Variants in IDNK observed in about 807,000 individuals in gnomAD.
The protein encoded by IDNK is gluconokinase.
In IDNK, 9 loss-of-function variants were observed where a neutral mutation model predicts 13.0. The ratio of observed to expected loss-of-function variants is 0.69; its 90% CI spans 0.42 to 1.21. The LOEUF is 1.21. Among genes scored for constraint, IDNK ranks in the 50% most tolerant of loss-of-function variants. The probability of loss-of-function intolerance (pLI) is 0.00; values close to 1 mark genes in which losing one functional copy is unlikely to be tolerated. For synonymous variants in IDNK, 92 were observed against 94.9 expected, an observed-to-expected ratio of 0.97 and a Z score of 0.18; for missense variants, 210 against 237.8, an observed-to-expected ratio of 0.88 and a Z score of 0.77.
At chr9:83,630,833 TG>T (rs1418632563) in intron 3 of IDNK, among the ~76,000 whole-genome samples, 3 of 152,064 alleles carry the variant, frequency 2.0e-5, no homozygotes, top group Admixed American at 6.6e-5. Flanking sequence ...CTCTATGGAT[TG>T]GGGGGTAGAA....
chr9:83,630,066 C>T (rs1234811518), intron 3 of IDNK, among the ~76,000 whole-genome samples: 1 of 152,226 alleles, frequency 6.6e-6, no homozygotes, highest in Non-Finnish European at 1.5e-5. Flanking sequence ...CAGACCAACA[C>T]TGTTGTTCTC....
At chr9:83,641,427 C>A in intron 3 of IDNK, 121 bp from the exon 4 acceptor site, 1 of 1,106,992 alleles carries the variant, frequency 9.0e-7, no homozygotes, top group Non-Finnish European at 1.4e-6. Flanking sequence ...GCCCACTCCT[C>A]ACACCACTGA....
Position 83,641,595 on chromosome 9 carries a change from A to G in IDNK, c.212+4A>G. 6.2e-7 allele frequency: 1 copy of G among 1,614,116 alleles called. No individual in the cohort carries two copies. Among genetic ancestry groups the G allele is most frequent in the Non-Finnish European group, 8.5e-7 (1 of 1,180,006 alleles). On this transcript the variant is annotated splice_donor_region_variant and intron_variant, in intron 4 of 4. Coordinates refer to ENST00000376419, the MANE Select transcript of IDNK (RefSeq NM_001001551.4). ...ACTTGCATGACATTTTACTAAGGTA[A>G]GAGACCACCAGGCCTTGGCATAAGC...
At chr9:83,638,849 G>T (rs1274640894) in intron 3 of IDNK, among the ~76,000 whole-genome samples, 1 of 152,070 alleles carries the variant, frequency 6.6e-6, no homozygotes, top group Non-Finnish European at 1.5e-5. Context: ...AAGACAGAAG[G>T]GTGGACTGTC....
In IDNK at chr9:83,643,594, G is replaced by A. The variant is rs1831377273; in HGVS notation, c.378G>A (p.Gly126=). 6.2e-7 allele frequency: 1 copy of A among 1,613,916 alleles called. No individual in the cohort carries two copies. Among genetic ancestry groups the A allele is most frequent in the Admixed American group, 1.7e-5 (1 of 59,988 alleles). The stretch of plus-strand genomic sequence containing the variant: ...AGCTCCTGGTGGTCCATCTGAGCGG[G>A]TCGTTTGAGGTCATCTCTGGACGCT... The part of the protein sequence containing the change: ...EMQLLVVHLS[G]SFEVISGRLL... The change falls in exon 5 of 5, where the codon GGG becomes GGA. Residue 126 remains glycine (G), a synonymous_variant. Transcript: ENST00000376419.
intron 1 of IDNK, among the ~76,000 whole-genome samples, chr9:83,626,273 G>C (rs548194153): frequency 1.3e-5 from 2 of 152,100 alleles, no homozygotes; most frequent in African/African-American, 4.8e-5. Flanking sequence ...CAAGAGTCCA[G>C]GTGTTCTCTG....
intron 3 of IDNK, 92 bp from the exon 4 acceptor site, chr9:83,641,456 C>T: frequency 7.0e-7 from 1 of 1,432,654 alleles, no homozygotes. Flanking sequence ...TGGACCTTAA[C>T]ATTTGTGAAC....
chr9:83,634,797 T>C (rs1288669337), intron 3 of IDNK, among the ~76,000 whole-genome samples: 2 of 152,202 alleles, frequency 1.3e-5, no homozygotes, highest in African/African-American at 4.8e-5. Flanking sequence ...TTTAAACAAA[T>C]TGTCCTCTCT....
At chr9:83,628,155 C>T (rs1053368114) in intron 1 of IDNK, 26 bp from the exon 2 acceptor site, 11 of 1,550,322 alleles carry the variant, frequency 7.1e-6, no homozygotes, top group Middle Eastern at 3.3e-4. Flanking sequence ...AGGGCAGTAA[C>T]GGGAACATCT....
intron 1 of IDNK, 90 bp downstream of exon 1, chr9:83,623,311 G>A: frequency 1.7e-6 from 2 of 1,179,720 alleles, no homozygotes; most frequent in East Asian, 3.2e-5. Flanking sequence ...CGGTGGACTG[G>A]GGTCTTGGGG....
chr9:83,623,152 G>A lies in IDNK; in HGVS notation c.-20G>A, dbSNP rs562092273. 1.6e-3 allele frequency: 2,217 copies of A among 1,416,074 alleles called. 2 individuals are homozygous for A. Among genetic ancestry groups the A allele is most frequent in the South Asian group, 2.2e-3 (138 of 63,438 alleles). 87.7% of individuals were successfully genotyped at this position (1,416,074 alleles called of 1,614,324 possible). On this transcript the variant is annotated 5_prime_UTR_variant, in exon 1 of 5. Coordinates refer to ENST00000376419, the MANE Select transcript of IDNK (RefSeq NM_001001551.4). ...GCCGGCGGGGCCCGGAAGGCGACGG[G>A]AAGGAGCCGAGCTTGGGTTATGGCG...
chr9:83,636,838 G>A (rs565902197), intron 3 of IDNK, among the ~76,000 whole-genome samples: 7 of 152,280 alleles, frequency 4.6e-5, no homozygotes, highest in African/African-American at 1.4e-4. Context: ...TCTGACATAG[G>A]CATTAATGAA....
chr9:83,631,231 A>C (rs1004363339), intron 3 of IDNK, among the ~76,000 whole-genome samples: 3 of 151,966 alleles, frequency 2.0e-5, no homozygotes, highest in Non-Finnish European at 4.4e-5. Context: ...CCCTTGAGGA[A>C]GAGTCTAGGG....
At chr9:83,643,121 T>A (rs1471329461) in intron 4 of IDNK, among the ~76,000 whole-genome samples, 1 of 152,202 alleles carries the variant, frequency 6.6e-6, no homozygotes, top group Non-Finnish European at 1.5e-5. Context: ...ACTGAGCATA[T>A]CTGTGTATCA....
chr9:83,623,238 G>T lies in IDNK; in HGVS notation c.50+17G>T. On this transcript the variant is annotated intron_variant, in intron 1 of 4. Coordinates refer to ENST00000376419, the MANE Select transcript of IDNK (RefSeq NM_001001551.4). ...CTCGGGGAAGTAGGTCCGGGAGAGG[G>T]CGGGGGGCGCCCGGGACAAGTGTTG... 2.2e-6 allele frequency: 3 copies of T among 1,388,582 alleles called. No individual in the cohort carries two copies. Among genetic ancestry groups the T allele is most frequent in the Non-Finnish European group, 2.8e-6 (3 of 1,073,528 alleles). The allele number at this position is 1,388,582 out of a possible 1,614,324, so 86.0% of individuals were successfully genotyped here.
chr9:83,629,857 T>C (rs1830964305), intron 3 of IDNK, among the ~76,000 whole-genome samples: 2 of 152,254 alleles, frequency 1.3e-5, no homozygotes, highest in African/African-American at 2.4e-5. Context: ...AAAATAGTTG[T>C]GGCATGTTTT....
intron 3 of IDNK, among the ~76,000 whole-genome samples, chr9:83,636,085 T>C (rs1831157496): frequency 6.6e-6 from 1 of 152,164 alleles, no homozygotes; most frequent in Non-Finnish European, 1.5e-5. Flanking sequence ...CTTTTTCATC[T>C]CCATTAGCCT....
intron 1 of IDNK, chr9:83,623,529 G>A (rs1158215914): frequency 1.1e-5 from 4 of 358,964 alleles, no homozygotes; most frequent in Non-Finnish European, 2.0e-5. Flanking sequence ...CGCAGGTGGA[G>A]GCCTAGCGAG....
chr9:83,636,791 G>A (rs1203541231), intron 3 of IDNK, among the ~76,000 whole-genome samples: 1 of 152,184 alleles, frequency 6.6e-6, no homozygotes, highest in African/African-American at 2.4e-5. Context: ...AAGAAATTAT[G>A]AGTAAGGATA....
Sources: gnomAD v4.1 joint callset for allele counts (sites outside exome capture counted in the v4.1 genomes callset) on GRCh38, gnomAD v4.1.1 for gene constraint, MANE v1.5 for transcripts, NCBI Gene and HGNC (gene_info 2026-07-23, HGNC 2026-07-21) for gene names.